KLHL20: variants seen among roughly 807,000 people sequenced by gnomAD.
KLHL20 encodes the protein kelch like family member 20, also known as kelch-like protein 20.
KLHL20 carries 29 observed loss-of-function variants against 69.5 expected under a neutral mutation model. That is an observed-to-expected ratio of 0.42 (90% CI 0.31 to 0.57). KLHL20 has a LOEUF of 0.57. Ranked by LOEUF, KLHL20 falls within the 20% of genes least tolerant of loss-of-function variation. The pLI is 0.18. For missense variants in KLHL20, 419 were observed against 776.0 expected, an observed-to-expected ratio of 0.54 and a Z score of 5.47; for synonymous variants, 253 against 265.2, an observed-to-expected ratio of 0.95 and a Z score of 0.45.
chr1:173,782,072 T>A (rs1648915856), intron 10 of KLHL20, 52 bp from the exon 11 acceptor site: 5 of 1,234,722 alleles, frequency 4.0e-6, no homozygotes, highest in Non-Finnish European at 6.0e-6. Flanking sequence ...GTCTATAATT[T>A]CCTTACGATT....
chr1:173,756,091 C>T (rs2102505080), intron 6 of KLHL20, 53 bp downstream of exon 6: 1 of 1,267,634 alleles, frequency 7.9e-7, no homozygotes, highest in South Asian at 1.3e-5. Flanking sequence ...AGGTGAGAAA[C>T]TGTCATTTGA....
Position 173,782,194 on chromosome 1 carries a change from C to T in KLHL20, c.1709C>T (p.Thr570Ile). ...TTTGATGGCACAACATACTTGAAGA[C>T]CATAGAAGTTTTTGATCCTGATGCC... Reference protein sequence around the residue: ...GGFDGTTYLKTIEVFDPDANT... With the variant: ...GGFDGTTYLKIIEVFDPDANT... The change falls in exon 11 of 12, where the codon ACC becomes ATC. Residue 570 changes from threonine to isoleucine, a missense_variant. Coordinates refer to ENST00000209884, the MANE Select transcript of KLHL20 (RefSeq NM_014458.4). The T allele has an allele frequency of 3.1e-6, 5 of 1,613,902 alleles. No homozygotes were observed. The highest frequency in any genetic ancestry group is 4.2e-6 in the Non-Finnish European group (5 of 1,179,886).
intron 8 of KLHL20, among the ~76,000 whole-genome samples, chr1:173,773,871 G>A (rs1469188799): frequency 6.6e-6 from 1 of 152,068 alleles, no homozygotes; most frequent in Non-Finnish European, 1.5e-5. Flanking sequence ...AAATTAGCCA[G>A]GCGTGGTGGC....
chr1:173,735,062 C>T (rs1672459746), intron 3 of KLHL20, among the ~76,000 whole-genome samples: 1 of 152,072 alleles, frequency 6.6e-6, no homozygotes, highest in Admixed American at 6.6e-5. Flanking sequence ...CCCAGTGAGA[C>T]CCAGAGACCA....
In KLHL20 at chr1:173,734,226, A is replaced by C. The variant is rs968356471; in HGVS notation, c.537A>C (p.Thr179=). The C allele has an allele frequency of 8.1e-6, 13 of 1,614,182 alleles. No homozygotes were observed. The highest frequency in any genetic ancestry group is 3.3e-5 in the Admixed American group (2 of 60,018). ...NCLGIRAFAD[T]HSCRELLRIA... is the part of the protein sequence containing the mutation. Reference sequence around the variant, plus strand: ...TGGGCATTCGGGCTTTTGCTGACACACATTCATGTCGTGAGTTGCTAAGGA... The same window carrying C: ...TGGGCATTCGGGCTTTTGCTGACACCCATTCATGTCGTGAGTTGCTAAGGA... Residue 179 remains threonine, a synonymous_variant, in exon 3 of 12, where the codon ACA becomes ACC. Transcript: ENST00000209884.
intron 2 of KLHL20, among the ~76,000 whole-genome samples, chr1:173,728,330 TCAA>T (rs915572097): frequency 2.8e-4 from 42 of 152,262 alleles, no homozygotes; most frequent in African/African-American, 9.4e-4. Flanking sequence ...ATTAGACAGA[TCAA>T]CGAGACAGAA....
chr1:173,768,021 C>G lies in KLHL20; in HGVS notation c.1295+1732C>G, dbSNP rs371515427. Among the ~76,000 whole-genome samples the G allele has an allele frequency of 7.2e-5, 11 of 152,198 alleles. No homozygotes were observed. In the East Asian group the frequency reaches 1.7e-3, roughly 24 times the overall value. ...ATTTCAGATTATATTCTATATATAT[C>G]AAGCATACCACTTGTGAAATCTGTT... On this transcript the variant is annotated intron_variant, in intron 8 of 11. Transcript: ENST00000209884.
chr1:173,725,481 C>T (rs1375168898), intron 2 of KLHL20, among the ~76,000 whole-genome samples: 1 of 152,154 alleles, frequency 6.6e-6, no homozygotes, highest in Non-Finnish European at 1.5e-5. Flanking sequence ...TTGTGAAGAA[C>T]ACCAACTTGT....
chr1:173,717,771 T>C (rs934114350), intron 2 of KLHL20, among the ~76,000 whole-genome samples: 1 of 152,052 alleles, frequency 6.6e-6, no homozygotes, highest in African/African-American at 2.4e-5. Context: ...CTGCAGACTT[T>C]CCCCCTCCAA....
intron 2 of KLHL20, among the ~76,000 whole-genome samples, chr1:173,729,879 C>T (rs1306660478): frequency 1.3e-5 from 2 of 152,078 alleles, no homozygotes; most frequent in Non-Finnish European, 2.9e-5. Context: ...GACAATCAGG[C>T]AGGAGAAGGA....
At chr1:173,763,839 T>A (rs1330451431) in intron 7 of KLHL20, among the ~76,000 whole-genome samples, 2 of 143,566 alleles carry the variant, frequency 1.4e-5, no homozygotes, top group Admixed American at 1.4e-4. Context: ...AAGGATTTCA[T>A]GACCAAGAAC....
chr1:173,724,565 T>G (rs1671866865), intron 2 of KLHL20, among the ~76,000 whole-genome samples: 1 of 152,252 alleles, frequency 6.6e-6, no homozygotes, highest in Non-Finnish European at 1.5e-5. Context: ...ATATCTTATT[T>G]CTAATTATTT....
At position 173,763,115 on chromosome 1, in the gene KLHL20, C is replaced by CT. The variant is rs965503819; in HGVS notation, c.1152-3023dup. 2.0e-4 allele frequency among the ~76,000 whole-genome samples: 31 copies of CT among 151,844 alleles called. No individual in the cohort carries two copies. In the South Asian group the frequency reaches 2.1e-3, roughly 10 times the overall value. On this transcript the variant is annotated intron_variant, in intron 7 of 11. Coordinates refer to ENST00000209884, the MANE Select transcript of KLHL20 (RefSeq NM_014458.4). The stretch of plus-strand genomic sequence containing the variant: ...GCGGAGAATCAAATCAAGAACTCAA[C>CT]TTTTTTTTACAATAGCTGCAAAAAA...
chr1:173,726,108 C>G (rs182066392), intron 2 of KLHL20, among the ~76,000 whole-genome samples: 1 of 152,192 alleles, frequency 6.6e-6, no homozygotes, highest in Non-Finnish European at 1.5e-5. Flanking sequence ...TATCCCGCGC[C>G]TGGCTCAGAG....
At chr1:173,731,863 A>T (rs1045834076) in intron 2 of KLHL20, among the ~76,000 whole-genome samples, 2 of 152,170 alleles carry the variant, frequency 1.3e-5, no homozygotes, top group African/African-American at 4.8e-5. Flanking sequence ...TTAAAGTATA[A>T]TTAAAAAAAC....
rs568435732 is a variant in KLHL20, at chr1:173,718,921, G to A, written c.23+2855G>A. Among the ~76,000 whole-genome samples the A allele has an allele frequency of 2.6e-4, 39 of 151,808 alleles. No individual in the cohort carries two copies. In the South Asian group the frequency reaches 7.7e-3, roughly 30 times the overall value. On this transcript the variant is annotated intron_variant, in intron 2 of 11. Transcript: ENST00000209884. ...AGATCGAGACCATCTTGGCTAACAC[G>A]GTGAAACCCCGTCTCTACTAAAAAA...
At chr1:173,775,885 A>G in intron 10 of KLHL20, 43 bp downstream of exon 10, 1 of 1,544,436 alleles carries the variant, frequency 6.5e-7, no homozygotes, top group Non-Finnish European at 9.0e-7. Context: ...AATCTTGGCT[A>G]TTAATAGTGC....
rs1205012670 is a variant in KLHL20 at position 173,778,292 on chromosome 1, C to T, written c.1638+2450C>T. ...GTCTAAGTGATGTCATTGTTCAATT[C>T]CGCTGGGAGATTTTTTATTACAGCT... On this transcript the variant is annotated intron_variant, in intron 10 of 11. Coordinates refer to ENST00000209884, the MANE Select transcript of KLHL20 (RefSeq NM_014458.4). 2.7e-5 allele frequency among the ~76,000 whole-genome samples: 4 copies of T among 150,680 alleles called. No individual in the cohort carries two copies. The East Asian group carries it at 7.9e-4, about 30-fold the overall frequency.
intron 3 of KLHL20, among the ~76,000 whole-genome samples, chr1:173,742,960 G>C (rs767850863): frequency 6.6e-6 from 1 of 151,222 alleles, no homozygotes; most frequent in Non-Finnish European, 1.5e-5. Context: ...AACATAAAAA[G>C]CATCATGAAC....
Sources: allele counts gnomAD v4.1 joint callset (sites outside exome capture counted in the v4.1 genomes callset), GRCh38; gene constraint gnomAD v4.1.1; transcripts MANE v1.5; gene names NCBI Gene and HGNC (gene_info 2026-07-23, HGNC 2026-07-21).